The following DNAJC11 variants were observed in gnomAD, a reference collection of about 807,000 sequenced individuals.
DNAJC11 encodes dnaJ homolog subfamily C member 11.
Under a neutral mutation model 78.6 loss-of-function variants are expected in DNAJC11, and 15 were observed. The observed-to-expected ratio is 0.19, with a 90% CI of 0.13 to 0.29. The LOEUF (loss-of-function observed/expected upper bound fraction) is 0.29, where lower values mean the gene tolerates loss of function less well. Ranked by LOEUF, DNAJC11 falls within the 10% of genes least tolerant of loss-of-function variation. DNAJC11 has a pLI of 1.00. For synonymous variants in DNAJC11, 292 were observed against 272.1 expected, an observed-to-expected ratio of 1.07 and a Z score of -0.72; for missense variants, 547 against 709.6, an observed-to-expected ratio of 0.77 and a Z score of 2.60.
intron 4 of DNAJC11, among the ~76,000 whole-genome samples, chr1:6,658,299 T>C (rs935436364): frequency 1.3e-5 from 2 of 152,088 alleles, no homozygotes; most frequent in African/African-American, 2.4e-5. Flanking sequence ...AGAAAACTAA[T>C]CAAAGGAAAC....
intron 3 of DNAJC11, among the ~76,000 whole-genome samples, chr1:6,671,820 A>ATATTT (rs1175900889): frequency 6.6e-6 from 1 of 151,814 alleles, no homozygotes; most frequent in Non-Finnish European, 1.5e-5. Context: ...GCGCCCAGCG[A>ATATTT]TATTTTATTT....
intron 15 of DNAJC11, 68 bp downstream of exon 15, chr1:6,636,049 C>T (rs1339499411): frequency 2.6e-6 from 4 of 1,542,870 alleles, no homozygotes; most frequent in Admixed American, 2.0e-5. Context: ...TGGCAGCCCA[C>T]ACACTGAGCA....
chr1:6,666,692 G>A (rs955930846), intron 4 of DNAJC11, among the ~76,000 whole-genome samples: 14 of 152,140 alleles, frequency 9.2e-5, no homozygotes, highest in Admixed American at 1.3e-4. Flanking sequence ...GTGAGCCACC[G>A]CACCCGGCCT....
chr1:6,676,633 T>C (rs547622914), intron 3 of DNAJC11, among the ~76,000 whole-genome samples: 1 of 152,096 alleles, frequency 6.6e-6, no homozygotes, highest in Non-Finnish European at 1.5e-5. Context: ...TGAGCCATGA[T>C]GGCACCAACA....
chr1:6,644,998 T>C, intron 9 of DNAJC11, 43 bp downstream of exon 9: 1 of 1,560,346 alleles, frequency 6.4e-7, no homozygotes, highest in Non-Finnish European at 8.8e-7. Flanking sequence ...AAGACCCGCA[T>C]GCAGTACCAG....
intron 1 of DNAJC11, among the ~76,000 whole-genome samples, chr1:6,690,462 G>A (rs1429290692): frequency 3.3e-5 from 5 of 152,202 alleles, no homozygotes; most frequent in Non-Finnish European, 7.3e-5. Context: ...AAACCTGCTA[G>A]AAACTCAAAC....
intron 6 of DNAJC11, among the ~76,000 whole-genome samples, chr1:6,651,906 G>A (rs974459165): frequency 6.6e-6 from 1 of 152,168 alleles, no homozygotes; most frequent in African/African-American, 2.4e-5. Flanking sequence ...GAGACCAGCT[G>A]GCTCCCCCTA....
At position 6,645,002 on chromosome 1, in the gene DNAJC11, G is replaced by A; in HGVS notation, c.980+39C>T. On this transcript the variant is annotated intron_variant, in intron 9 of 15. Transcript: ENST00000377577. The surrounding 1 kb of genome is among the most constrained non-coding windows in gnomAD (Gnocchi z 4.1). ...GTTCCACTGTGAAGACCCGCATGCA[G>A]TACCAGTGTGCTTCCATTTTAGCCA... 1.9e-6 allele frequency: 3 copies of A among 1,578,336 alleles called. No individual in the cohort carries two copies. The highest frequency in any genetic ancestry group is 2.6e-6 in the Non-Finnish European group (3 of 1,147,770).
intron 4 of DNAJC11, among the ~76,000 whole-genome samples, chr1:6,659,225 GAATGTCTTCAACTCCTACT>G (rs534288450): frequency 0.032 from 4,868 of 152,170 alleles, 261 homozygotes; most frequent in African/African-American, 0.11. Context: ...TGGGGAAATG[GAATGTCTTCAACTCCTACT>G]AATGTCTTCA....
intron 4 of DNAJC11, among the ~76,000 whole-genome samples, chr1:6,657,719 G>A (rs1001786103): frequency 1.1e-4 from 17 of 152,204 alleles, no homozygotes; most frequent in Non-Finnish European, 1.6e-4. Flanking sequence ...ATCTCGGCTC[G>A]CTGCAAGCTC....
intron 10 of DNAJC11, among the ~76,000 whole-genome samples, chr1:6,643,562 A>C (rs1320192573): frequency 6.6e-6 from 1 of 152,142 alleles, no homozygotes; most frequent in East Asian, 1.9e-4. Flanking sequence ...GGTGTGAGCC[A>C]CAGTGCCCGG....
At chr1:6,677,956 C>G (rs1320009129) in intron 3 of DNAJC11, among the ~76,000 whole-genome samples, 2 of 152,236 alleles carry the variant, frequency 1.3e-5, no homozygotes, top group Non-Finnish European at 2.9e-5. Context: ...ATACTCCCAT[C>G]TGAAATATTT....
At position 6,636,103 on chromosome 1, in the gene DNAJC11, G is replaced by A; in HGVS notation, c.1654+14C>T. 1 of 1,611,482 alleles carries A rather than the reference G, an allele frequency of 6.2e-7. No individual in the cohort carries two copies. Among genetic ancestry groups the A allele is most frequent in the Non-Finnish European group, 8.5e-7 (1 of 1,178,656 alleles). On this transcript the variant is annotated intron_variant, in intron 15 of 15. Coordinates refer to ENST00000377577, the MANE Select transcript of DNAJC11 (RefSeq NM_018198.4). ...CCCCCGTTAGCTGGTGACTGCGAAG[G>A]GACGGCTACTCACACTGCTTTGGTA...
At position 6,680,945 on chromosome 1, in the gene DNAJC11, C is replaced by T. The variant is rs781590719; in HGVS notation, c.165G>A (p.Ala55=). 3.8e-5 allele frequency: 62 copies of T among 1,613,954 alleles called. 1 individual carries two copies. Among genetic ancestry groups the T allele is most frequent in the Admixed American group, 5.0e-5 (3 of 60,000 alleles). ...KHRDPELKSQ[A]ERLFNLVHQA... ...GGTGAACAAGGTTAAACAGTCGTTC[C>T]GCCTGTGACTTGAGCTCTGGGTCTC... Residue 55 remains alanine, a synonymous_variant, in exon 2 of 16, where the codon GCG becomes GCA. Coordinates refer to ENST00000377577, the MANE Select transcript of DNAJC11 (RefSeq NM_018198.4). The surrounding 1 kb of genome is among the most constrained non-coding windows in gnomAD (Gnocchi z 4.0).
rs1570260351 is a variant in DNAJC11 at position 6,637,277 on chromosome 1, T to A, written c.1445A>T (p.Lys482Met). ...FVNDKSRKSE[K>M]VKVIDVTVPL... ...CACAGTCACGTCAATCACCTTCACC[T>A]TCTCGCTCTTCCTGCTCTTGTCATT... Residue 482 changes from lysine to methionine, a missense_variant, in exon 14 of 16, where the codon AAG (lysine) becomes ATG (methionine). By Grantham distance (95) the Lys-to-Met change is moderately conservative (BLOSUM62 -1). Coordinates refer to ENST00000377577, the MANE Select transcript of DNAJC11 (RefSeq NM_018198.4). 2 of 1,614,156 alleles carry A rather than the reference T, an allele frequency of 1.2e-6. No individual in the cohort carries two copies. Among genetic ancestry groups the A allele is most frequent in the East Asian group, 2.2e-5 (1 of 44,872 alleles).
chr1:6,653,045 A>G lies in DNAJC11; in HGVS notation c.508-94T>C. The G allele has an allele frequency of 6.8e-7, 1 of 1,466,402 alleles. No homozygotes were observed. The highest frequency in any genetic ancestry group is 9.4e-7 in the Non-Finnish European group (1 of 1,060,596). The allele number at this position is 1,466,402 out of a possible 1,614,324, so 90.8% of individuals were successfully genotyped here. A position where few individuals can be genotyped will look rare whatever the true frequency, so the allele number is the denominator to read the frequency against. ...GAACGCACTGTGAGCCCAAGGCCAA[A>G]GGTGCAGACGATTCCTCTGTTCAGA... On this transcript the variant is annotated intron_variant, in intron 5 of 15. Transcript: ENST00000377577. The surrounding 1 kb of genome is among the most constrained non-coding windows in gnomAD (Gnocchi z 4.5).
chr1:6,700,733 T>A (rs1408528315), intron 1 of DNAJC11, among the ~76,000 whole-genome samples: 1 of 152,218 alleles, frequency 6.6e-6, no homozygotes, highest in Non-Finnish European at 1.5e-5. Context: ...TCACATAGAC[T>A]AATATTTACT....
chr1:6,639,185 G>A (rs1047707447), intron 11 of DNAJC11, among the ~76,000 whole-genome samples: 16 of 150,074 alleles, frequency 1.1e-4, no homozygotes, highest in Non-Finnish European at 1.8e-4. Context: ...CTGCAAAAAC[G>A]TTGTGTTTCT....
intron 4 of DNAJC11, among the ~76,000 whole-genome samples, chr1:6,656,012 G>A (rs1276744335): frequency 6.8e-6 from 1 of 147,044 alleles, no homozygotes; most frequent in Admixed American, 7.1e-5. Context: ...TGAGGCAGGA[G>A]AATTGCTTCA....
Sources: allele counts gnomAD v4.1 joint callset (sites outside exome capture counted in the v4.1 genomes callset), GRCh38; gene constraint gnomAD v4.1.1; non-coding constraint Gnocchi (gnomAD v3.1); transcripts MANE v1.5; gene names NCBI Gene and HGNC (gene_info 2026-07-23, HGNC 2026-07-21).